The following CRISPLD2 variants were observed in gnomAD, a reference collection of about 807,000 sequenced individuals.
CRISPLD2 encodes cysteine rich secretory protein LCCL domain containing 2, also known as cysteine-rich secretory protein LCCL domain-containing 2.
Under a neutral mutation model 71.1 loss-of-function variants are expected in CRISPLD2, and 47 were observed. That is an observed-to-expected ratio of 0.66 (90% confidence interval 0.52 to 0.84). The LOEUF (loss-of-function observed/expected upper bound fraction) is 0.84, where lower values mean the gene tolerates loss of function less well. CRISPLD2 is among the 40% of genes least tolerant of loss of function. The pLI is 0.00. For synonymous variants in CRISPLD2, 317 were observed against 250.1 expected (o/e 1.27, Z -2.52); for missense variants, 830 against 651.1 (o/e 1.27, Z -2.99).
At chr16:84,866,534 C>G (rs1917542638) in intron 6 of CRISPLD2, among the ~76,000 whole-genome samples, 1 of 152,186 alleles carries the variant, frequency 6.6e-6, no homozygotes, top group Non-Finnish European at 1.5e-5. Context: ...CCGCACCCGG[C>G]CTGAGGCAGC....
At chr16:84,848,670 A>G (rs1432238236) in intron 3 of CRISPLD2, among the ~76,000 whole-genome samples, 1 of 152,036 alleles carries the variant, frequency 6.6e-6, no homozygotes, top group African/African-American at 2.4e-5. Flanking sequence ...CCAACTCCTG[A>G]CCTCAGGTGA....
chr16:84,890,727 A>G (rs576318314), intron 14 of CRISPLD2, among the ~76,000 whole-genome samples: 82 of 151,926 alleles, frequency 5.4e-4, no homozygotes, highest in African/African-American at 1.9e-3. Flanking sequence ...CCCGGGAGGT[A>G]GAGGCTGTAG....
chr16:84,869,461 T>A (rs1256399097), intron 8 of CRISPLD2, among the ~76,000 whole-genome samples: 4 of 152,210 alleles, frequency 2.6e-5, no homozygotes, highest in African/African-American at 9.6e-5. Flanking sequence ...AAGGGAAGGT[T>A]GAATCTTCGG....
intron 2 of CRISPLD2, among the ~76,000 whole-genome samples, chr16:84,840,994 G>A (rs1017158430): frequency 2.0e-5 from 3 of 152,218 alleles, no homozygotes; most frequent in African/African-American, 7.2e-5. Flanking sequence ...GGTGGACAAA[G>A]CAGATGAGGT....
chr16:84,873,936 A>C lies in CRISPLD2; in HGVS notation c.1129A>C (p.Ser377Arg), dbSNP rs759169076. 1 of 1,590,634 alleles carries C rather than the reference A, an allele frequency of 6.3e-7. No homozygotes were observed. Among genetic ancestry groups the C allele is most frequent in the African/African-American group, 1.4e-5 (1 of 71,832 alleles). Residue 377 changes from serine (S) to arginine (R), a missense_variant, in exon 11 of 15, where the codon AGC becomes CGC. Physicochemically the swap from Ser to Arg is moderately radical, Grantham distance 110 (BLOSUM62 -1). Transcript: ENST00000262424. ...VQSLSKYKPS[S>R]SFMVSKVKVQ... ...TTTAAACAGCAAATACAAACCTTCC[A>C]GCTCATTCATGGTGTCAAAAGTGAA...
chr16:84,901,449 A>G (rs2071752951), intron 14 of CRISPLD2, among the ~76,000 whole-genome samples: 1 of 151,168 alleles, frequency 6.6e-6, no homozygotes, highest in Admixed American at 6.6e-5. Flanking sequence ...TTGATGTGGA[A>G]AGAACACTCC....
chr16:84,897,763 C>G (rs59081510), intron 14 of CRISPLD2, among the ~76,000 whole-genome samples: 1,844 of 152,042 alleles, frequency 0.012, 34 homozygotes, highest in African/African-American at 0.042. Flanking sequence ...ATTACAGGCA[C>G]CCACTGCCAG....
chr16:84,873,682 TA>T (rs762271281), intron 10 of CRISPLD2, among the ~76,000 whole-genome samples: 1 of 152,126 alleles, frequency 6.6e-6, no homozygotes, highest in Admixed American at 6.6e-5. Flanking sequence ...TGAAAACCAT[TA>T]TTCTTAGAAG....
At chr16:84,838,862 G>T (rs1341168710) in intron 2 of CRISPLD2, 127 bp downstream of exon 2, 8 of 1,189,982 alleles carry the variant, frequency 6.7e-6, no homozygotes, top group Non-Finnish European at 8.4e-6. Context: ...GGTCTCCTCT[G>T]GCAGGGGAGG....
intron 1 of CRISPLD2, 26 bp downstream of exon 1, chr16:84,820,159 C>G (rs988352314): frequency 1.3e-5 from 2 of 152,210 alleles, no homozygotes; most frequent in African/African-American, 4.8e-5. Context: ...ATGCTTCTCC[C>G]TTTTGCAAAC....
chr16:84,894,792 G>T (rs2934473), intron 14 of CRISPLD2, among the ~76,000 whole-genome samples: 22,793 of 152,092 alleles, frequency 0.15, 2,145 homozygotes, highest in Admixed American at 0.24. Flanking sequence ...TTCACCCTTA[G>T]GCACATCTCC....
At chr16:84,873,602 G>C (rs1320907141) in intron 10 of CRISPLD2, 5 of 238,086 alleles carry the variant, frequency 2.1e-5, no homozygotes, top group Admixed American at 1.1e-4. Context: ...TCTTTGTAAT[G>C]TTTTAAATTT....
rs768038146 is a variant in CRISPLD2, at chr16:84,868,938, A to G, written c.914+27A>G. The G allele has an allele frequency of 9.9e-6, 15 of 1,518,168 alleles. No homozygotes were observed. In the East Asian group the frequency reaches 2.6e-4, roughly 26 times the overall value. 94.0% of individuals were successfully genotyped at this position (1,518,168 alleles called of 1,614,324 possible). On this transcript the variant is annotated intron_variant, in intron 8 of 14. Transcript: ENST00000262424. ...TGAGCCTGTGCTGGGCTGTCCTGCC[A>G]CTGTAGCCTCTGAGTCTGTGCTGGG...
intron 1 of CRISPLD2, among the ~76,000 whole-genome samples, chr16:84,821,581 C>G (rs1363807706): frequency 6.6e-6 from 1 of 152,178 alleles, no homozygotes; most frequent in Non-Finnish European, 1.5e-5. Flanking sequence ...ACTCTTGACC[C>G]TGCTTTCTTT....
At chr16:84,838,051 G>C (rs1054441321) in intron 1 of CRISPLD2, among the ~76,000 whole-genome samples, 1 of 152,212 alleles carries the variant, frequency 6.6e-6, no homozygotes, top group African/African-American at 2.4e-5. Flanking sequence ...AATGACTTTA[G>C]CAATCCCCTT....
chr16:84,894,825 T>A (rs537446751), intron 14 of CRISPLD2, among the ~76,000 whole-genome samples: 1 of 152,136 alleles, frequency 6.6e-6, no homozygotes, highest in African/African-American at 2.4e-5. Flanking sequence ...CCATTTTGGG[T>A]CTCAGTGAGT....
At chr16:84,862,715 C>T (rs567874424) in intron 6 of CRISPLD2, among the ~76,000 whole-genome samples, 20 of 144,196 alleles carry the variant, frequency 1.4e-4, no homozygotes, top group African/African-American at 5.2e-4. Flanking sequence ...CACTGGCAGC[C>T]TTGCCATGAC....
At chr16:84,881,252 CT>C (rs1183501641) in intron 13 of CRISPLD2, among the ~76,000 whole-genome samples, 1 of 152,232 alleles carries the variant, frequency 6.6e-6, no homozygotes, top group Non-Finnish European at 1.5e-5. Flanking sequence ...TGTATTTCTT[CT>C]CAGTTATGCA....
rs1295193430 is a variant in CRISPLD2 at position 84,838,732 on chromosome 16, C to T, written c.237C>T (p.Tyr79=). 7 of 1,612,494 alleles carry T rather than the reference C, an allele frequency of 4.3e-6. No individual in the cohort carries two copies. The highest frequency in any genetic ancestry group is 5.9e-6 in the Non-Finnish European group (7 of 1,179,838). ...QVQPQASNME[Y]MTWDDELEKS... is the part of the protein sequence containing the mutation. Reference sequence around the variant, plus strand: ...AGCCTCAGGCCTCCAACATGGAGTACATGGTGAGCGCCGGCTCCGGCCGCA... The same window carrying T: ...AGCCTCAGGCCTCCAACATGGAGTATATGGTGAGCGCCGGCTCCGGCCGCA... Residue 79 remains tyrosine (Y), a synonymous_variant, in exon 2 of 15, where the codon TAC becomes TAT. Coordinates refer to ENST00000262424, the MANE Select transcript of CRISPLD2 (RefSeq NM_031476.4).
Sources: allele counts gnomAD v4.1 joint callset (sites outside exome capture counted in the v4.1 genomes callset), GRCh38; gene constraint gnomAD v4.1.1; transcripts MANE v1.5; gene names NCBI Gene and HGNC (gene_info 2026-07-23, HGNC 2026-07-21).